Variants in LYST observed in about 807,000 individuals in gnomAD.
LYST encodes the protein lysosomal trafficking regulator, also known as lysosomal-trafficking regulator.
A neutral mutation model predicts 413.6 loss-of-function variants in LYST; 192 were observed. The ratio of observed to expected loss-of-function variants is 0.46; its 90% confidence interval spans 0.41 to 0.52. LYST has a LOEUF of 0.52. Among genes scored for constraint, LYST ranks in the 20% least tolerant of loss-of-function variants. LYST has a pLI of 0.00. For missense variants in LYST, 3,815 were observed against 4,499.9 expected, an observed-to-expected ratio of 0.85 and a Z score of 4.35; for synonymous variants, 1,525 against 1,567.3, an observed-to-expected ratio of 0.97 and a Z score of 0.64.
At chr1:235,668,159 C>T (rs1658652315) in intron 50 of LYST, among the ~76,000 whole-genome samples, 1 of 152,036 alleles carries the variant, frequency 6.6e-6, no homozygotes, top group Non-Finnish European at 1.5e-5. Context: ...GGATGTGAAA[C>T]CCACAGATAC....
chr1:235,698,305 G>GA (rs926962556), intron 45 of LYST, among the ~76,000 whole-genome samples: 80 of 151,502 alleles, frequency 5.3e-4, no homozygotes, highest in African/African-American at 1.7e-3. Flanking sequence ...CCAAATAAAT[G>GA]AAAAAAAAGG....
At chr1:235,718,690 T>G (rs140577186) in intron 40 of LYST, among the ~76,000 whole-genome samples, 4 of 152,368 alleles carry the variant, frequency 2.6e-5, no homozygotes, top group Admixed American at 2.6e-4. Context: ...GAATATTTTT[T>G]CATATTAAAC....
upstream of LYST, among the ~76,000 whole-genome samples, chr1:235,870,438 T>C (rs187219706): frequency 2.2e-3 from 333 of 152,340 alleles, 2 homozygotes; most frequent in Middle Eastern, 6.8e-3. Flanking sequence ...CCATTTTCTG[T>C]ATGTCACTTT....
At chr1:235,822,918 C>T (rs1674917609) in intron 3 of LYST, among the ~76,000 whole-genome samples, 1 of 152,212 alleles carries the variant, frequency 6.6e-6, no homozygotes, top group Non-Finnish European at 1.5e-5. Context: ...TGGCCAACAG[C>T]CCCACCCAAT....
chr1:235,786,931 G>A lies in LYST; in HGVS notation c.4862+269C>T, dbSNP rs1453431088. On this transcript the variant is annotated intron_variant, in intron 14 of 52. Transcript: ENST00000389793. ...GGGGGAGGGGGGAGGGATAGCATAGGAGATATACCTAATGTAAATGACGAG... is the reference window on the plus strand; with the variant it reads ...GGGGGAGGGGGGAGGGATAGCATAGAAGATATACCTAATGTAAATGACGAG... 17 of 296,372 alleles carry A rather than the reference G, an allele frequency of 5.7e-5. No individual in the cohort carries two copies. The Admixed American group carries it at 6.0e-4, about 11-fold the overall frequency. 18.4% of individuals were successfully genotyped at this position (296,372 alleles called of 1,614,324 possible).
chr1:235,669,757 T>C (rs1658781631), intron 50 of LYST, among the ~76,000 whole-genome samples: 1 of 152,112 alleles, frequency 6.6e-6, no homozygotes, highest in African/African-American at 2.4e-5. Context: ...CACTGCCGAG[T>C]GTACTTTCAT....
At chr1:235,824,630 T>C (rs558246945) in intron 3 of LYST, among the ~76,000 whole-genome samples, 3 of 152,360 alleles carry the variant, frequency 2.0e-5, no homozygotes, top group South Asian at 4.1e-4. Flanking sequence ...ATGTTTTTGA[T>C]ATTTAAAAAG....
In LYST at chr1:235,751,756, G is replaced by C. The variant is rs1666518645; in HGVS notation, c.7627+249C>G. 3.3e-5 allele frequency among the ~76,000 whole-genome samples: 5 copies of C among 152,178 alleles called. No individual in the cohort carries two copies. The South Asian group carries it at 1.0e-3, about 32-fold the overall frequency. On this transcript the variant is annotated intron_variant, in intron 27 of 52. Coordinates refer to ENST00000389793, the MANE Select transcript of LYST (RefSeq NM_000081.4). ...AACATACACTTTTAAATTCTACTTG[G>C]TAAGAAAAATCAGTGACATCTTTCA...
chr1:235,777,490 G>A (rs1351376416), intron 16 of LYST, among the ~76,000 whole-genome samples, 182 bp from the exon 17 acceptor site: 1 of 152,154 alleles, frequency 6.6e-6, no homozygotes, highest in Admixed American at 6.5e-5. Flanking sequence ...CAAAGCAAAT[G>A]GTCAGTGATT....
Position 235,775,100 on chromosome 1 carries a change from T to A in LYST, c.5461-14A>T, listed in dbSNP as rs768616413. 2.7e-5 allele frequency: 42 copies of A among 1,567,196 alleles called. No homozygotes were observed. The highest frequency in any genetic ancestry group is 8.1e-5 in the African/African-American group (6 of 74,068). On this transcript the variant is annotated splice_polypyrimidine_tract_variant and intron_variant, in intron 17 of 52. Transcript: ENST00000389793. Reference sequence around the variant, plus strand: ...GAGTTCAACAACCTAAAAAAAAAAATGGGTGGATATAGTTTTCTCCCAATT... The same window carrying A: ...GAGTTCAACAACCTAAAAAAAAAAAAGGGTGGATATAGTTTTCTCCCAATT...
intron 6 of LYST, among the ~76,000 whole-genome samples, chr1:235,804,973 A>G (rs1672651665): frequency 6.6e-6 from 1 of 152,246 alleles, no homozygotes; most frequent in African/African-American, 2.4e-5. Flanking sequence ...TGCTGTGTTA[A>G]AGCTTGTGAA....
intron 50 of LYST, among the ~76,000 whole-genome samples, chr1:235,669,972 A>G (rs970031238): frequency 6.6e-6 from 1 of 152,186 alleles, no homozygotes; most frequent in African/African-American, 2.4e-5. Context: ...TGACAAGGGT[A>G]GGAGCACTTC....
At chr1:235,723,900 TA>T in intron 39 of LYST, 127 bp downstream of exon 39, 2 of 789,996 alleles carry the variant, frequency 2.5e-6, no homozygotes, top group Non-Finnish European at 2.1e-6. Flanking sequence ...GGCTTCACTT[TA>T]ATCAGGACTA....
In LYST at chr1:235,788,798, G is replaced by A; in HGVS notation, c.4591C>T (p.Leu1531Phe). The A allele has an allele frequency of 1.9e-6, 3 of 1,613,300 alleles. No individual in the cohort carries two copies. Among genetic ancestry groups the A allele is most frequent in the South Asian group, 1.1e-5 (1 of 91,068 alleles). The change falls in exon 13 of 53, where the codon CTC becomes TTC. Residue 1531 changes from leucine to phenylalanine, a missense_variant. Around this residue, in one of 4 missense-constraint regions of LYST, gnomAD observed 1,648 missense variants for 1,810.3 expected, o/e 0.91. Coordinates refer to ENST00000389793, the MANE Select transcript of LYST (RefSeq NM_000081.4). ...GAEYINPGER[L>F]IEEGCIHIIS... The stretch of plus-strand genomic sequence containing the variant: ...ATATGAATACATCCTTCTTCTATGA[G>A]TCTTTCACCAGGATTTATGTACTCT...
intron 42 of LYST, chr1:235,712,411 A>AAT: frequency 4.7e-6 from 2 of 429,916 alleles, no homozygotes; most frequent in East Asian, 4.7e-5. Flanking sequence ...ATGCTTTTGT[A>AAT]ATATATATTA....
chr1:235,668,471 T>C (rs1658679900), intron 50 of LYST, among the ~76,000 whole-genome samples: 1 of 152,222 alleles, frequency 6.6e-6, no homozygotes, highest in Non-Finnish European at 1.5e-5. Flanking sequence ...CAAGGCCTTT[T>C]TGTTCAAATT....
At position 235,809,555 on chromosome 1, in the gene LYST, T is replaced by C. The variant is rs1673230083; in HGVS notation, c.1263A>G (p.Ser421=). The part of the protein sequence containing the change: ...ILICCLQSAA[S]NPFYFSQAMD... ...TGGCTTGACTGAAGTAGAAGGGATTTGAAGCTGCACTTTGAAGACAACAGA... is the reference window on the plus strand; with the variant it reads ...TGGCTTGACTGAAGTAGAAGGGATTCGAAGCTGCACTTTGAAGACAACAGA... The change falls in exon 5 of 53, where the codon TCA becomes TCG. Residue 421 remains serine, a synonymous_variant. Coordinates refer to ENST00000389793, the MANE Select transcript of LYST (RefSeq NM_000081.4). The surrounding 1 kb of genome is among the most constrained non-coding windows in gnomAD (Gnocchi z 4.0). 2 of 1,613,932 alleles carry C rather than the reference T, an allele frequency of 1.2e-6. No homozygotes were observed. The highest frequency in any genetic ancestry group is 4.5e-5 in the East Asian group (2 of 44,882).
chr1:235,822,353 A>T (rs551120518), intron 3 of LYST, among the ~76,000 whole-genome samples: 8 of 152,322 alleles, frequency 5.3e-5, no homozygotes, highest in African/African-American at 1.9e-4. Context: ...ACTGGATTTC[A>T]GGACTGCTAT....
intron 1 of LYST, among the ~76,000 whole-genome samples, chr1:235,845,961 C>T (rs1342227690): frequency 6.6e-6 from 1 of 152,072 alleles, no homozygotes; most frequent in Non-Finnish European, 1.5e-5. Flanking sequence ...CCCTGCCCAC[C>T]GCATATCTTT....
Sources: allele counts gnomAD v4.1 joint callset (sites outside exome capture counted in the v4.1 genomes callset), GRCh38; gene constraint gnomAD v4.1.1; regional missense constraint gnomAD v4.1.1; non-coding constraint Gnocchi (gnomAD v3.1); transcripts MANE v1.5; gene names NCBI Gene and HGNC (gene_info 2026-07-23, HGNC 2026-07-21).